Variants in INSL3 observed in about 807,000 individuals in gnomAD.
INSL3 encodes insulin like 3.
A neutral mutation model predicts 5.5 loss-of-function variants in INSL3; 6 were observed. The ratio of observed to expected loss-of-function variants is 1.08; its 90% CI spans 0.59 to 2.14. INSL3 has a LOEUF of 2.14. Ranked by LOEUF, INSL3 falls within the 30% of genes most tolerant of loss-of-function variation. INSL3 has a pLI of 0.00. For missense variants in INSL3, 178 were observed against 184.7 expected, an observed-to-expected ratio of 0.96 and a Z score of 0.21; for synonymous variants, 86 against 82.1, an observed-to-expected ratio of 1.05 and a Z score of -0.26.
chr19:17,820,583 A>T (rs1783834470), intron 1 of INSL3: 2 of 190,632 alleles, frequency 1.0e-5, no homozygotes, highest in Non-Finnish European at 2.2e-5. Flanking sequence ...GTTTGAGCCC[A>T]GGAGGTTGAG....
At chr19:17,821,197 G>T in intron 1 of INSL3, 120 bp downstream of exon 1, 1 of 1,178,902 alleles carries the variant, frequency 8.5e-7, no homozygotes, top group Non-Finnish European at 1.2e-6. Flanking sequence ...GCAGCCGGCA[G>T]GTGAGCCCTG....
At position 17,816,604 on chromosome 19, in the gene INSL3, C is replaced by T; in HGVS notation, c.*250G>A. On this transcript the variant is annotated 3_prime_UTR_variant, in exon 2 of 2. Coordinates refer to ENST00000317306, the MANE Select transcript of INSL3 (RefSeq NM_005543.4). ...GTCTGGGGCTCCCCTGGAGTGAGGA[C>T]ATTTGGCTGTCAGTGTCCAGCATCT... is the stretch of plus-strand genomic sequence containing the variant. 1 of 570,802 alleles carries T rather than the reference C, an allele frequency of 1.8e-6. No individual in the cohort carries two copies. The highest frequency in any genetic ancestry group is 3.2e-6 in the Non-Finnish European group (1 of 317,412). The allele number at this position is 570,802 out of a possible 1,614,324, so 35.4% of individuals were successfully genotyped here. A position where few individuals can be genotyped will look rare whatever the true frequency, so the allele number is the denominator to read the frequency against.
At position 17,821,304 on chromosome 19, in the gene INSL3, C is replaced by T. The variant is rs989610751; in HGVS notation, c.190+13G>A. 7 of 1,544,820 alleles carry T rather than the reference C, an allele frequency of 4.5e-6. No homozygotes were observed. Among genetic ancestry groups the T allele is most frequent in the Non-Finnish European group, 6.1e-6 (7 of 1,146,568 alleles). ...GGCTTCCCAGAGCGCTGTCCCTGCC[C>T]GTCCCCACTCACGGTCGCCTCCGGT... On this transcript the variant is annotated intron_variant, in intron 1 of 1. Coordinates refer to ENST00000317306, the MANE Select transcript of INSL3 (RefSeq NM_005543.4).
intron 1 of INSL3, among the ~76,000 whole-genome samples, chr19:17,817,678 C>T (rs1047375401): frequency 1.3e-5 from 2 of 150,482 alleles, no homozygotes; most frequent in Non-Finnish European, 3.0e-5. Context: ...GCCTGTAATC[C>T]CAGCTACTGG....
In INSL3 at chr19:17,816,695, T is replaced by C. The variant is rs149574425; in HGVS notation, c.*159A>G. 56 of 676,666 alleles carry C rather than the reference T, an allele frequency of 8.3e-5. No individual in the cohort carries two copies. The African/African-American group carries it at 9.0e-4, about 11-fold the overall frequency. 41.9% of individuals were successfully genotyped at this position (676,666 alleles called of 1,614,324 possible). ...TTATTCTGCAGTTGACTCCACAGGC[T>C]GCAGGTGGCATTGGTCTGGGGTAGA... On this transcript the variant is annotated 3_prime_UTR_variant, in exon 2 of 2. Transcript: ENST00000317306.
chr19:17,821,333 A>C lies in INSL3; in HGVS notation c.174T>G (p.Pro58=). 1 of 1,548,214 alleles carries C rather than the reference A, an allele frequency of 6.5e-7. No individual in the cohort carries two copies. The highest frequency in any genetic ancestry group is 8.7e-7 in the Non-Finnish European group (1 of 1,146,726). ...GPRWSTEARR[P]ATGGDRELLQ... ...CCCACTCACGGTCGCCTCCGGTCGC[A>C]GGCCTCCTGGCTTCGGTGGACCAGC... The change falls in exon 1 of 2, where the codon CCT becomes CCG. Residue 58 remains proline (P), a synonymous_variant. Transcript: ENST00000317306.
Position 17,817,030 on chromosome 19 carries a change from G to A in INSL3, c.220C>T (p.His74Tyr), listed in dbSNP as rs759180668. 44 of 1,613,458 alleles carry A rather than the reference G, an allele frequency of 2.7e-5. No individual in the cohort carries two copies. Among genetic ancestry groups the A allele is most frequent in the Middle Eastern group, 3.3e-4 (2 of 6,084 alleles). ...RELLQWLERR[H>Y]LLHGLVADSN... The stretch of plus-strand genomic sequence containing the variant: ...TCGGCCACCAGCCCATGGAGCAGAT[G>A]TCGTCTCTCCAGCCACTGTAGCAAC... Residue 74 changes from histidine to tyrosine, a missense_variant, in exon 2 of 2, where the codon CAT becomes TAT. Physicochemically the swap from His to Tyr is moderately conservative, Grantham distance 83 (BLOSUM62 2). Coordinates refer to ENST00000317306, the MANE Select transcript of INSL3 (RefSeq NM_005543.4).
At chr19:17,819,783 A>G (rs2094192861) in intron 1 of INSL3, among the ~76,000 whole-genome samples, 1 of 151,730 alleles carries the variant, frequency 6.6e-6, no homozygotes, top group African/African-American at 2.4e-5. Context: ...CGGAGCTTGC[A>G]GTGAGCCGAG....
chr19:17,816,945 C>T lies in INSL3; in HGVS notation c.305G>A (p.Arg102His), dbSNP rs121912556. ...QPLPQTSHHHRHHRAAATNPA... is the reference protein window; with the variant it reads ...QPLPQTSHHHHHHRAAATNPA... Reference sequence around the variant, plus strand: ...GTTGGTGGCAGCTGCACGGTGGTGGCGGTGATGGTGAGAGGTCTGGGGCAG... The same window carrying T: ...GTTGGTGGCAGCTGCACGGTGGTGGTGGTGATGGTGAGAGGTCTGGGGCAG... Residue 102 changes from arginine (R) to histidine (H), a missense_variant, in exon 2 of 2, where the codon CGC (arginine) becomes CAC (histidine). Coordinates refer to ENST00000317306, the MANE Select transcript of INSL3 (RefSeq NM_005543.4). The T allele has an allele frequency of 4.9e-4, 792 of 1,614,046 alleles. 6 individuals are homozygous for T. The highest frequency in any genetic ancestry group is 3.5e-3 in the South Asian group (315 of 91,076).
At chr19:17,820,120 A>G (rs1355989216) in intron 1 of INSL3, among the ~76,000 whole-genome samples, 1 of 151,468 alleles carries the variant, frequency 6.6e-6, no homozygotes, top group Non-Finnish European at 1.5e-5. Context: ...CAAACAAACA[A>G]ACAAAATACA....
At chr19:17,819,743 G>A (rs1488344580) in intron 1 of INSL3, among the ~76,000 whole-genome samples, 1 of 152,182 alleles carries the variant, frequency 6.6e-6, no homozygotes, top group Non-Finnish European at 1.5e-5. Flanking sequence ...TCAGGAGGCT[G>A]AGGCAGGAGA....
intron 1 of INSL3, chr19:17,820,389 G>C: frequency 2.4e-6 from 1 of 413,232 alleles, no homozygotes; most frequent in Non-Finnish European, 4.8e-6. Context: ...TGGACACAGT[G>C]ACTCACATCG....
Position 17,821,430 on chromosome 19 carries a change from G to A in INSL3, c.77C>T (p.Thr26Ile). The A allele has an allele frequency of 6.5e-7, 1 of 1,546,642 alleles. No individual in the cohort carries two copies. Among genetic ancestry groups the A allele is most frequent in the Non-Finnish European group, 8.7e-7 (1 of 1,144,524 alleles). The change falls in exon 1 of 2, where the codon ACC becomes ATC. Residue 26 changes from threonine to isoleucine, a missense_variant. Coordinates refer to ENST00000317306, the MANE Select transcript of INSL3 (RefSeq NM_005543.4). The stretch of plus-strand genomic sequence containing the variant: ...GCACAACTTCTCACGCATCTCTGGG[G>A]TGGGCGCGGGGCCCAACGCGAACAC... ...ALVFALGPAP[T>I]PEMREKLCGH...
intron 1 of INSL3, chr19:17,820,556 G>A (rs191400268): frequency 4.9e-6 from 1 of 204,736 alleles, no homozygotes; most frequent in Admixed American, 5.6e-5. Context: ...CACTCCAGAG[G>A]CTGAGGCAGG....
At chr19:17,817,244 G>A (rs1235559806) in intron 1 of INSL3, among the ~76,000 whole-genome samples, 185 bp from the exon 2 acceptor site, 3 of 151,900 alleles carry the variant, frequency 2.0e-5, no homozygotes, top group Non-Finnish European at 4.4e-5. Flanking sequence ...TTGGGAGGCC[G>A]AGGTGGGCGG....
At chr19:17,819,774 G>A (rs576272098) in intron 1 of INSL3, among the ~76,000 whole-genome samples, 4 of 150,758 alleles carry the variant, frequency 2.7e-5, no homozygotes, top group Non-Finnish European at 4.4e-5. Flanking sequence ...GCCGGGAGAC[G>A]GAGCTTGCAG....
At chr19:17,820,387 G>C in intron 1 of INSL3, 1 of 414,274 alleles carries the variant, frequency 2.4e-6, no homozygotes, top group Non-Finnish European at 4.8e-6. Context: ...GCTGGACACA[G>C]TGACTCACAT....
rs776196885 is a variant in INSL3 at position 17,817,029 on chromosome 19, T to A, written c.221A>T (p.His74Leu). 44 of 1,613,500 alleles carry A rather than the reference T, an allele frequency of 2.7e-5. No homozygotes were observed. Among genetic ancestry groups the A allele is most frequent in the Middle Eastern group, 3.3e-4 (2 of 6,084 alleles). Residue 74 changes from histidine (H) to leucine (L), a missense_variant, in exon 2 of 2, where the codon CAT becomes CTT. Transcript: ENST00000317306. The part of the protein sequence containing the change: ...RELLQWLERR[H>L]LLHGLVADSN... ...GTCGGCCACCAGCCCATGGAGCAGATGTCGTCTCTCCAGCCACTGTAGCAA... is the reference window on the plus strand; with the variant it reads ...GTCGGCCACCAGCCCATGGAGCAGAAGTCGTCTCTCCAGCCACTGTAGCAA...
At chr19:17,820,248 C>A in intron 1 of INSL3, 1 of 247,088 alleles carries the variant, frequency 4.0e-6, no homozygotes, top group Non-Finnish European at 7.8e-6. Context: ...CACGTCACAG[C>A]ACTCTGGTTT....
Sources: allele counts gnomAD v4.1 joint callset (sites outside exome capture counted in the v4.1 genomes callset), GRCh38; gene constraint gnomAD v4.1.1; transcripts MANE v1.5; gene names NCBI Gene and HGNC (gene_info 2026-07-23, HGNC 2026-07-21).